Variants in UGT1A7 observed in about 807,000 individuals in gnomAD.
The protein encoded by UGT1A7 is UDP-glucuronosyltransferase 1A7.
A neutral mutation model predicts 45.6 loss-of-function variants in UGT1A7; 33 were observed. The observed-to-expected ratio is 0.72, with a 90% CI of 0.55 to 0.97. The LOEUF (loss-of-function observed/expected upper bound fraction) is 0.97. Among genes scored for constraint, UGT1A7 ranks in the 50% least tolerant of loss-of-function variants. The probability of loss-of-function intolerance (pLI) is 0.00; values close to 1 mark genes in which losing one functional copy is unlikely to be tolerated. For synonymous variants in UGT1A7, 274 were observed against 250.6 expected (o/e 1.09, Z -0.88); for missense variants, 684 against 666.2 (o/e 1.03, Z -0.29).
At chr2:233,703,966 C>T (rs910344544) in intron 1 of UGT1A7, among the ~76,000 whole-genome samples, 12 of 152,032 alleles carry the variant, frequency 7.9e-5, no homozygotes, top group African/African-American at 2.9e-4. Context: ...TCTTGGCCCA[C>T]TGCAACCTCC....
intron 1 of UGT1A7, among the ~76,000 whole-genome samples, chr2:233,734,449 A>ATTTTCTTGATC (rs200649315): frequency 0.065 from 9,832 of 151,068 alleles, 532 homozygotes; most frequent in African/African-American, 0.16. Context: ...AGGTCTATCA[A>ATTTTCTTGATC]TTTTCAAAAT....
intron 1 of UGT1A7, among the ~76,000 whole-genome samples, chr2:233,753,939 G>C (rs753977947): frequency 3.0e-4 from 45 of 152,164 alleles, no homozygotes; most frequent in Non-Finnish European, 6.2e-4. Flanking sequence ...GGATTCAAAT[G>C]TATGACCTCC....
chr2:233,690,814 G>C, intron 1 of UGT1A7: 1 of 1,077,024 alleles, frequency 9.3e-7, no homozygotes, highest in Admixed American at 4.8e-5. Context: ...TCTTAGTACA[G>C]TCAAAGCTCA....
At chr2:233,740,014 A>G (rs1487860646) in intron 1 of UGT1A7, among the ~76,000 whole-genome samples, 4 of 151,772 alleles carry the variant, frequency 2.6e-5, no homozygotes, top group South Asian at 2.1e-4. Flanking sequence ...GTGAGTTCTC[A>G]TGAGAGCTGA....
rs193246215 is a variant in UGT1A7, at chr2:233,754,852, G to A, written c.856-12182G>A. On this transcript the variant is annotated intron_variant, in intron 1 of 4. Coordinates refer to ENST00000373426, the MANE Select transcript of UGT1A7 (RefSeq NM_019077.3). ...GGAAATTCACTGAAGGCAGAGAAAAGGGGTGCAGACCCTCTGCTTCTGCTT... is the reference window on the plus strand; with the variant it reads ...GGAAATTCACTGAAGGCAGAGAAAAAGGGTGCAGACCCTCTGCTTCTGCTT... 19 of 1,345,310 alleles carry A rather than the reference G, an allele frequency of 1.4e-5. No individual in the cohort carries two copies. The Middle Eastern group carries it at 6.3e-4, about 45-fold the overall frequency. The allele number at this position is 1,345,310 out of a possible 1,614,324, so 83.3% of individuals were successfully genotyped here. A position where few individuals can be genotyped will look rare whatever the true frequency, so the allele number is the denominator to read the frequency against.
chr2:233,686,477 A>G (rs1028028243), intron 1 of UGT1A7, among the ~76,000 whole-genome samples: 3 of 151,912 alleles, frequency 2.0e-5, no homozygotes, highest in South Asian at 2.1e-4. Flanking sequence ...TTCCTTTCCT[A>G]TGAAACTTTC....
chr2:233,767,319 T>G (rs928023163), intron 2 of UGT1A7, among the ~76,000 whole-genome samples, 154 bp downstream of exon 2: 1 of 152,210 alleles, frequency 6.6e-6, no homozygotes, highest in African/African-American at 2.4e-5. Flanking sequence ...TTTTTGTTGT[T>G]GTGGTTGTTG....
chr2:233,747,198 C>T (rs375624902), intron 1 of UGT1A7: 21 of 1,604,164 alleles, frequency 1.3e-5, no homozygotes, highest in Non-Finnish European at 1.8e-5. Context: ...GTCAGCTGTC[C>T]GTGTCTTCTG....
intron 2 of UGT1A7, among the ~76,000 whole-genome samples, chr2:233,767,377 A>C (rs897397722): frequency 2.0e-5 from 3 of 152,190 alleles, no homozygotes; most frequent in Non-Finnish European, 4.4e-5. Context: ...ACTATGATCC[A>C]CCACACTCAG....
At chr2:233,724,292 C>T (rs1379070155) in intron 1 of UGT1A7, among the ~76,000 whole-genome samples, 3 of 129,054 alleles carry the variant, frequency 2.3e-5, no homozygotes, top group African/African-American at 9.1e-5. Context: ...GGGGGGCTGA[C>T]CCCCCCACCT....
chr2:233,690,004 C>A, intron 1 of UGT1A7: 3 of 448,708 alleles, frequency 6.7e-6, no homozygotes, highest in Non-Finnish European at 1.3e-5. Context: ...CACTTCATCT[C>A]ACCATTTTGG....
At chr2:233,692,935 A>C (rs2075120716) in intron 1 of UGT1A7, 1 of 1,587,686 alleles carries the variant, frequency 6.3e-7, no homozygotes, top group African/African-American at 1.3e-5. Context: ...TTTAGGGAAA[A>C]TACCTAGGAG....
chr2:233,690,548 T>A (rs1269905198), intron 1 of UGT1A7: 1 of 1,289,538 alleles, frequency 7.8e-7, no homozygotes, highest in Non-Finnish European at 1.0e-6. Flanking sequence ...CACTGGAATA[T>A]GTCCCAAGCC....
At chr2:233,710,658 C>G (rs2076141376) in intron 1 of UGT1A7, among the ~76,000 whole-genome samples, 1 of 152,126 alleles carries the variant, frequency 6.6e-6, no homozygotes, top group African/African-American at 2.4e-5. Context: ...GATACAAGTG[C>G]TATGTCAGAT....
At chr2:233,743,580 C>T (rs1377073083) in intron 1 of UGT1A7, 3 of 1,367,180 alleles carry the variant, frequency 2.2e-6, no homozygotes, top group Non-Finnish European at 2.9e-6. Context: ...CCCAAGAGGT[C>T]AAAGGAGAAT....
intron 1 of UGT1A7, among the ~76,000 whole-genome samples, chr2:233,694,754 C>CT (rs1277043555): frequency 3.3e-5 from 5 of 152,146 alleles, no homozygotes; most frequent in Admixed American, 1.3e-4. Flanking sequence ...GCAGTAGCCA[C>CT]TGTGAAAAGG....
intron 1 of UGT1A7, among the ~76,000 whole-genome samples, chr2:233,687,049 C>T (rs1461225199): frequency 6.6e-6 from 1 of 152,186 alleles, no homozygotes; most frequent in Non-Finnish European, 1.5e-5. Flanking sequence ...AGCACGCGGA[C>T]CCTGGAGTCC....
intron 1 of UGT1A7, among the ~76,000 whole-genome samples, chr2:233,687,899 C>T (rs2125538579): frequency 6.6e-6 from 1 of 152,174 alleles, no homozygotes; most frequent in Middle Eastern, 3.4e-3. Flanking sequence ...TAGACTAAGA[C>T]CTTGTCTCAA....
intron 1 of UGT1A7, among the ~76,000 whole-genome samples, chr2:233,727,779 C>T (rs1053796621): frequency 3.3e-5 from 5 of 152,220 alleles, no homozygotes; most frequent in East Asian, 1.9e-4. Flanking sequence ...CCCCAGTAGA[C>T]GCTTCCATTC....
Sources: gnomAD v4.1 joint callset for allele counts (sites outside exome capture counted in the v4.1 genomes callset) on GRCh38, gnomAD v4.1.1 for gene constraint, MANE v1.5 for transcripts, NCBI Gene and HGNC (gene_info 2026-07-23, HGNC 2026-07-21) for gene names.